LRCH1: variants seen among roughly 807,000 people sequenced by gnomAD.
LRCH1 encodes leucine-rich repeat and calponin homology domain-containing protein 1.
In LRCH1, 23 loss-of-function variants were observed where a neutral mutation model predicts 94.9. That is an observed-to-expected ratio of 0.24 (90% CI 0.17 to 0.34). The LOEUF (loss-of-function observed/expected upper bound fraction) is 0.34. LRCH1 is among the 10% of genes least tolerant of loss of function. The probability of loss-of-function intolerance (pLI) is 1.00; values close to 1 mark genes in which losing one functional copy is unlikely to be tolerated. For synonymous variants in LRCH1, 364 were observed against 354.9 expected, an observed-to-expected ratio of 1.03 and a Z score of -0.29; for missense variants, 790 against 945.9, an observed-to-expected ratio of 0.84 and a Z score of 2.16.
At chr13:46,628,951 G>T (rs1234344782) in intron 1 of LRCH1, among the ~76,000 whole-genome samples, 1 of 152,154 alleles carries the variant, frequency 6.6e-6, no homozygotes, top group Non-Finnish European at 1.5e-5. Flanking sequence ...AAACATCATG[G>T]AATGTACCCA....
chr13:46,653,455 G>A (rs2051332344), intron 2 of LRCH1, among the ~76,000 whole-genome samples: 1 of 152,138 alleles, frequency 6.6e-6, no homozygotes, highest in Non-Finnish European at 1.5e-5. Context: ...GTTTTTGAAA[G>A]CCAGATACTA....
chr13:46,731,927 A>G (rs986955296), intron 18 of LRCH1, among the ~76,000 whole-genome samples: 1 of 152,004 alleles, frequency 6.6e-6, no homozygotes, highest in Non-Finnish European at 1.5e-5. Context: ...TCCTTTGTTC[A>G]TTTTCCGTCA....
chr13:46,626,583 T>C (rs886774581), intron 1 of LRCH1, among the ~76,000 whole-genome samples: 6 of 152,222 alleles, frequency 3.9e-5, no homozygotes, highest in African/African-American at 1.4e-4. Flanking sequence ...TAAGAACTAA[T>C]GATAATCCAC....
At chr13:46,632,078 C>G (rs2051024578) in intron 1 of LRCH1, among the ~76,000 whole-genome samples, 1 of 152,072 alleles carries the variant, frequency 6.6e-6, no homozygotes, top group Non-Finnish European at 1.5e-5. Flanking sequence ...TGGTGCATGC[C>G]TGTAGTCCCA....
chr13:46,636,195 G>A (rs998086676), intron 1 of LRCH1, among the ~76,000 whole-genome samples: 3 of 148,298 alleles, frequency 2.0e-5, no homozygotes, highest in South Asian at 4.4e-4. Context: ...TCTGCCTCCC[G>A]AGTAGCTGGA....
chr13:46,583,245 A>C (rs1481632023), intron 1 of LRCH1, among the ~76,000 whole-genome samples: 1 of 152,214 alleles, frequency 6.6e-6, no homozygotes, highest in East Asian at 1.9e-4. Flanking sequence ...TCTCATGTCC[A>C]TCCTCATTCA....
At chr13:46,629,965 A>G (rs750018558) in intron 1 of LRCH1, among the ~76,000 whole-genome samples, 1 of 152,226 alleles carries the variant, frequency 6.6e-6, no homozygotes, top group Non-Finnish European at 1.5e-5. Flanking sequence ...AAAGTAAGTG[A>G]AAATGGAAAG....
In LRCH1 at chr13:46,694,987, T is replaced by TA. The variant is rs1871101737; in HGVS notation, c.1215_1216insA (p.Gly406ArgfsTer10). On this transcript the variant is annotated frameshift_variant, in exon 9 of 20. Coordinates refer to ENST00000389797, the MANE Select transcript of LRCH1 (RefSeq NM_001164211.2). LOFTEE classifies it high-confidence loss of function. ...GAGACCAGTTTACTGATAGAGCAGA[T>TA]GGTCTCCATTCGGAATTTATGAACT... The TA allele has an allele frequency of 6.2e-7, 1 of 1,613,962 alleles. No homozygotes were observed.
intron 1 of LRCH1, among the ~76,000 whole-genome samples, chr13:46,628,261 G>A (rs929336208): frequency 6.6e-6 from 1 of 152,112 alleles, no homozygotes; most frequent in Non-Finnish European, 1.5e-5. Flanking sequence ...TATGAGGCTG[G>A]TGAGTACTGG....
Position 46,705,177 on chromosome 13 carries a change from C to G in LRCH1, c.1490+20C>G, listed in dbSNP as rs755908665. 1 of 1,594,052 alleles carries G rather than the reference C, an allele frequency of 6.3e-7. No individual in the cohort carries two copies. The highest frequency in any genetic ancestry group is 1.1e-5 in the South Asian group (1 of 87,628). On this transcript the variant is annotated intron_variant, in intron 12 of 19. Coordinates refer to ENST00000389797, the MANE Select transcript of LRCH1 (RefSeq NM_001164211.2). ...ACTGAAGTATGCTTGCCTTTTATAACAAATTATGTTTTCTCTTTTCATAAT... is the reference window on the plus strand; with the variant it reads ...ACTGAAGTATGCTTGCCTTTTATAAGAAATTATGTTTTCTCTTTTCATAAT...
chr13:46,652,657 A>G (rs1001104573), intron 2 of LRCH1, among the ~76,000 whole-genome samples: 1 of 152,192 alleles, frequency 6.6e-6, no homozygotes, highest in Non-Finnish European at 1.5e-5. Context: ...CTCCTAAGAC[A>G]TCTGTACTCT....
intron 1 of LRCH1, among the ~76,000 whole-genome samples, chr13:46,562,915 A>G (rs2050144894): frequency 6.6e-6 from 1 of 152,160 alleles, no homozygotes; most frequent in African/African-American, 2.4e-5. Context: ...TTACAAATGG[A>G]TGACTCCGGC....
intron 1 of LRCH1, among the ~76,000 whole-genome samples, chr13:46,601,593 T>G (rs189756649): frequency 1.8e-4 from 27 of 152,328 alleles, no homozygotes; most frequent in Non-Finnish European, 1.5e-5. Flanking sequence ...CAAATTCTTT[T>G]AAATCCAGGT....
At chr13:46,626,708 A>T (rs1811603670) in intron 1 of LRCH1, among the ~76,000 whole-genome samples, 1 of 152,246 alleles carries the variant, frequency 6.6e-6, no homozygotes, top group South Asian at 2.1e-4. Flanking sequence ...CGTGCATGAA[A>T]GGTAGCATAA....
chr13:46,618,146 G>C (rs1043349123), intron 1 of LRCH1, among the ~76,000 whole-genome samples: 1 of 152,146 alleles, frequency 6.6e-6, no homozygotes, highest in Admixed American at 6.6e-5. Context: ...TGCACACATA[G>C]GGTATATGGT....
chr13:46,603,089 G>T (rs555769925), intron 1 of LRCH1, among the ~76,000 whole-genome samples: 29 of 152,128 alleles, frequency 1.9e-4, no homozygotes, highest in Middle Eastern at 3.4e-3. Context: ...ACTTCATCCT[G>T]TAAATAATTT....
intron 1 of LRCH1, among the ~76,000 whole-genome samples, chr13:46,621,998 A>G (rs1453592559): frequency 1.3e-5 from 2 of 152,184 alleles, no homozygotes; most frequent in Non-Finnish European, 2.9e-5. Context: ...CTGGACTCCA[A>G]ACATAAAGCA....
At chr13:46,596,780 T>C (rs2050568856) in intron 1 of LRCH1, among the ~76,000 whole-genome samples, 1 of 152,234 alleles carries the variant, frequency 6.6e-6, no homozygotes, top group Non-Finnish European at 1.5e-5. Flanking sequence ...TAGATGCTGG[T>C]AGTCAACATG....
chr13:46,647,196 G>A (rs1194013544), intron 1 of LRCH1, among the ~76,000 whole-genome samples: 1 of 151,744 alleles, frequency 6.6e-6, no homozygotes, highest in Non-Finnish European at 1.5e-5. Context: ...AAGACTGCTA[G>A]GTTAAAGTGT....
Sources: gnomAD v4.1 joint callset for allele counts (sites outside exome capture counted in the v4.1 genomes callset) on GRCh38, gnomAD v4.1.1 for gene constraint, MANE v1.5 for transcripts, NCBI Gene and HGNC (gene_info 2026-07-23, HGNC 2026-07-21) for gene names.